The following THRAP3 variants were observed in gnomAD, a reference collection of about 807,000 sequenced individuals.
THRAP3 encodes thyroid hormone receptor-associated protein 3.
THRAP3 carries 16 observed loss-of-function variants against 101.0 expected under a neutral mutation model. That is an observed-to-expected ratio of 0.16 (90% CI 0.11 to 0.24). THRAP3 has a LOEUF of 0.24. THRAP3 is among the 10% of genes least tolerant of loss of function. The pLI is 1.00. For synonymous variants in THRAP3, 407 were observed against 422.6 expected, an observed-to-expected ratio of 0.96 and a Z score of 0.45; for missense variants, 989 against 1,202.7, an observed-to-expected ratio of 0.82 and a Z score of 2.63.
In THRAP3 at chr1:36,286,262, T is replaced by A; in HGVS notation, c.138-106T>A. The A allele has an allele frequency of 3.3e-6, 4 of 1,202,512 alleles. No homozygotes were observed. The highest frequency in any genetic ancestry group is 4.7e-6 in the Non-Finnish European group (4 of 857,184). The allele number at this position is 1,202,512 out of a possible 1,614,324, so 74.5% of individuals were successfully genotyped here. A position where few individuals can be genotyped will look rare whatever the true frequency, so the allele number is the denominator to read the frequency against. Reference sequence around the variant, plus strand: ...TGTGCCCTTGCTTTGAAAACAAAACTGAAAGTGAATGACACATAAGGGCAG... The same window carrying A: ...TGTGCCCTTGCTTTGAAAACAAAACAGAAAGTGAATGACACATAAGGGCAG... On this transcript the variant is annotated intron_variant, in intron 3 of 11. Coordinates refer to ENST00000354618, the MANE Select transcript of THRAP3 (RefSeq NM_005119.4). This position sits in a 1 kb window ranked among gnomAD's most constrained non-coding sequence, Gnocchi z 5.5.
chr1:36,244,513 T>C (rs1174150814), intron 1 of THRAP3, among the ~76,000 whole-genome samples: 1 of 152,244 alleles, frequency 6.6e-6, no homozygotes, highest in African/African-American at 2.4e-5. Flanking sequence ...AGTGTCAAAC[T>C]GATTTCTTAG....
rs902230634 is a variant in THRAP3, at chr1:36,305,151, G to A, written c.*1134G>A. The A allele has an allele frequency of 2.5e-4, 56 of 220,184 alleles. No homozygotes were observed. Among genetic ancestry groups the A allele is most frequent in the Middle Eastern group, 2.8e-3 (2 of 722 alleles). The allele number at this position is 220,184 out of a possible 1,614,324, so 13.6% of individuals were successfully genotyped here. On this transcript the variant is annotated 3_prime_UTR_variant, in exon 12 of 12. Coordinates refer to ENST00000354618, the MANE Select transcript of THRAP3 (RefSeq NM_005119.4). ...AGCAGGTGAATCATAAGGCATTTAT[G>A]CATATGTTATATGCGGACTGCACCC...
chr1:36,229,683 G>A (rs1430096569), intron 1 of THRAP3, among the ~76,000 whole-genome samples: 1 of 151,512 alleles, frequency 6.6e-6, no homozygotes, highest in African/African-American at 2.4e-5. Flanking sequence ...ATGGAGTTTC[G>A]CTCTTGTTGC....
intron 3 of THRAP3, 60 bp downstream of exon 3, chr1:36,282,760 G>C (rs950600864): frequency 2.2e-5 from 35 of 1,596,968 alleles, no homozygotes; most frequent in Non-Finnish European, 2.9e-5. Context: ...GTGGATGTTT[G>C]AAGATCTTTT....
chr1:36,284,752 G>A (rs1158021556), intron 3 of THRAP3, among the ~76,000 whole-genome samples: 2 of 152,238 alleles, frequency 1.3e-5, no homozygotes, highest in Non-Finnish European at 2.9e-5. Context: ...GGTAACAGAA[G>A]CAGCAGTAGC....
At chr1:36,294,306 A>G in intron 8 of THRAP3, 1 of 857,014 alleles carries the variant, frequency 1.2e-6, no homozygotes, top group Non-Finnish European at 1.4e-6. Context: ...AAAGACATGC[A>G]TGTCAGAGAA....
intron 1 of THRAP3, among the ~76,000 whole-genome samples, chr1:36,242,861 A>T (rs1014894840): frequency 6.6e-6 from 1 of 152,078 alleles, no homozygotes; most frequent in Admixed American, 6.6e-5. Context: ...TCATACAGAT[A>T]TTCTCTTCTG....
chr1:36,224,147 T>A (rs1248509729), upstream of THRAP3, among the ~76,000 whole-genome samples: 2 of 151,956 alleles, frequency 1.3e-5, no homozygotes, highest in African/African-American at 4.8e-5. Flanking sequence ...TCCAAAATGG[T>A]GGGGGCAGTG....
intron 1 of THRAP3, among the ~76,000 whole-genome samples, chr1:36,241,665 A>G (rs569734205): frequency 7.0e-6 from 1 of 143,256 alleles, no homozygotes; most frequent in East Asian, 2.0e-4. Context: ...TGCAATCTCC[A>G]CCTCCTGGGT....
intron 4 of THRAP3, chr1:36,287,544 A>G (rs1645812114): frequency 4.1e-6 from 4 of 985,458 alleles, no homozygotes; most frequent in East Asian, 2.3e-4. Flanking sequence ...GATTCTACCA[A>G]TGTAAGCCAA....
chr1:36,298,441 C>T (rs554997028), intron 9 of THRAP3, among the ~76,000 whole-genome samples: 2 of 152,162 alleles, frequency 1.3e-5, no homozygotes, highest in East Asian at 1.9e-4. Flanking sequence ...CTCTGACTTG[C>T]GATGTGACTT....
At chr1:36,283,920 A>G (rs941716749) in intron 3 of THRAP3, among the ~76,000 whole-genome samples, 1 of 152,204 alleles carries the variant, frequency 6.6e-6, no homozygotes, top group African/African-American at 2.4e-5. Flanking sequence ...TAAATATTGA[A>G]AAGGGAAACC....
At chr1:36,295,488 G>A (rs1645933606) in intron 8 of THRAP3, among the ~76,000 whole-genome samples, 1 of 151,796 alleles carries the variant, frequency 6.6e-6, no homozygotes, top group Non-Finnish European at 1.5e-5. Flanking sequence ...GTGTGCTGTT[G>A]CTGCTGCAAA....
chr1:36,229,272 A>G (rs929041836), intron 1 of THRAP3, among the ~76,000 whole-genome samples: 6 of 151,424 alleles, frequency 4.0e-5, no homozygotes, highest in African/African-American at 1.2e-4. Flanking sequence ...TAATTTTTGT[A>G]TTTTTAGTAG....
chr1:36,214,920 T>C, the THRAP3 span, among the ~76,000 whole-genome samples: 1 of 151,150 alleles, frequency 6.6e-6, no homozygotes, highest in Non-Finnish European at 1.5e-5. Context: ...GTCCCTCCCC[T>C]GCTTATAAAC....
chr1:36,240,734 AT>A lies in THRAP3; in HGVS notation c.-135+16239del, dbSNP rs879452909. Among the ~76,000 whole-genome samples the A allele has an allele frequency of 4.8e-3, 714 of 150,132 alleles. 12 individuals carry two copies. Among genetic ancestry groups the A allele is most frequent in the Admixed American group, 0.038 (570 of 15,016 alleles). On this transcript the variant is annotated intron_variant, in intron 1 of 11. Coordinates refer to ENST00000354618, the MANE Select transcript of THRAP3 (RefSeq NM_005119.4). ...CAAAATAATCCTGGACATATTTTGG[AT>A]TTTTTTTTTCTTGTGTATATTTTGG...
chr1:36,249,685 AGTGTGTGTGTGTGTGT>A (rs66759336), intron 1 of THRAP3, among the ~76,000 whole-genome samples: 4 of 138,112 alleles, frequency 2.9e-5, no homozygotes, highest in Admixed American at 7.4e-5. Flanking sequence ...GCAGGTGGTG[AGTGTGTGTGTGTGTGT>A]GTGTGTGTGT....
At chr1:36,242,384 C>T (rs1046471413) in intron 1 of THRAP3, among the ~76,000 whole-genome samples, 1 of 151,460 alleles carries the variant, frequency 6.6e-6, no homozygotes, top group African/African-American at 2.4e-5. Flanking sequence ...AACTCCTGGG[C>T]TGAAGTGAGC....
At chr1:36,256,226 T>A (rs2124475311) in intron 1 of THRAP3, among the ~76,000 whole-genome samples, 1 of 148,994 alleles carries the variant, frequency 6.7e-6, no homozygotes, top group East Asian at 2.0e-4. Flanking sequence ...ATTGTTATTA[T>A]TATTATTATT....
Sources: allele counts gnomAD v4.1 joint callset (sites outside exome capture counted in the v4.1 genomes callset), GRCh38; gene constraint gnomAD v4.1.1; non-coding constraint Gnocchi (gnomAD v3.1); transcripts MANE v1.5; gene names NCBI Gene and HGNC (gene_info 2026-07-23, HGNC 2026-07-21).